SPMIP2: variants seen among roughly 807,000 people sequenced by gnomAD.
The protein encoded by SPMIP2 is sperm microtubule inner protein 2.
chr4:158,951,648 A>G, the SPMIP2 span, among the ~76,000 whole-genome samples: 1 of 152,230 alleles, frequency 6.6e-6, no homozygotes, highest in South Asian at 2.1e-4. Flanking sequence ...GAGGACACAC[A>G]CACGCACACA....
At chr4:158,923,048 C>CA in the SPMIP2 span, among the ~76,000 whole-genome samples, 3 of 152,168 alleles carry the variant, frequency 2.0e-5, no homozygotes, top group Non-Finnish European at 2.9e-5. Flanking sequence ...GTCTCAGCAT[C>CA]CTTGTTAAAG....
the SPMIP2 span, among the ~76,000 whole-genome samples, chr4:158,894,800 C>T: frequency 2.6e-5 from 4 of 152,142 alleles, no homozygotes; most frequent in African/African-American, 9.7e-5. Flanking sequence ...GTTTCATCCA[C>T]CTGACACAAT....
At chr4:158,935,029 T>C in the SPMIP2 span, among the ~76,000 whole-genome samples, 7 of 152,232 alleles carry the variant, frequency 4.6e-5, no homozygotes, top group African/African-American at 1.7e-4. Context: ...AACAGGTCAT[T>C]GCCTATTAGA....
chr4:159,054,053 A>G, the SPMIP2 span, among the ~76,000 whole-genome samples: 1 of 152,182 alleles, frequency 6.6e-6, no homozygotes. Context: ...CACTCACTGC[A>G]GTCTCCTAAT....
chr4:159,059,225 G>A, the SPMIP2 span, among the ~76,000 whole-genome samples: 1 of 99,810 alleles, frequency 1.0e-5, no homozygotes, highest in Non-Finnish European at 2.2e-5. Flanking sequence ...ATACGAGGCT[G>A]GGGGTTGAAG....
chr4:159,015,043 G>T, the SPMIP2 span, among the ~76,000 whole-genome samples: 7 of 152,138 alleles, frequency 4.6e-5, no homozygotes, highest in African/African-American at 1.7e-4. Flanking sequence ...CATTTTTACT[G>T]AATTACAGGA....
At chr4:158,939,075 C>G in the SPMIP2 span, among the ~76,000 whole-genome samples, 1 of 152,208 alleles carries the variant, frequency 6.6e-6, no homozygotes, top group Non-Finnish European at 1.5e-5. Context: ...CTCAGCATCA[C>G]TTGCTAATTT....
the SPMIP2 span, among the ~76,000 whole-genome samples, chr4:159,055,217 T>G: frequency 6.6e-6 from 1 of 152,216 alleles, no homozygotes; most frequent in Non-Finnish European, 1.5e-5. Flanking sequence ...ACCTCTACTG[T>G]CTATGTATCT....
the SPMIP2 span, among the ~76,000 whole-genome samples, chr4:158,934,945 T>C: frequency 1.3e-5 from 2 of 152,230 alleles, no homozygotes; most frequent in Non-Finnish European, 2.9e-5. Flanking sequence ...AACAGTTTTC[T>C]ATACCTATTA....
the SPMIP2 span, among the ~76,000 whole-genome samples, chr4:159,032,088 G>T: frequency 6.6e-6 from 1 of 152,016 alleles, no homozygotes; most frequent in African/African-American, 2.4e-5. Flanking sequence ...TGGGCATGGT[G>T]GCTCACGTCT....
chr4:158,920,798 C>G, the SPMIP2 span, among the ~76,000 whole-genome samples: 1 of 152,170 alleles, frequency 6.6e-6, no homozygotes, highest in African/African-American at 2.4e-5. Context: ...TGCTTTTGCC[C>G]TTTGGCCTGT....
the SPMIP2 span, among the ~76,000 whole-genome samples, chr4:159,056,236 A>C: frequency 6.6e-6 from 1 of 152,224 alleles, no homozygotes; most frequent in East Asian, 1.9e-4. Context: ...ACAGATTTAG[A>C]CATGCAAACA....
chr4:158,908,953 G>A, the SPMIP2 span, among the ~76,000 whole-genome samples: 1 of 152,160 alleles, frequency 6.6e-6, no homozygotes. Flanking sequence ...CTCCCAAAGT[G>A]CTGGGATTAC....
the SPMIP2 span, among the ~76,000 whole-genome samples, chr4:159,071,697 T>C: frequency 9.6e-3 from 1,456 of 152,236 alleles, 23 homozygotes; most frequent in African/African-American, 0.033. Context: ...TTTGTCACCA[T>C]GAGGGAAAGA....
the SPMIP2 span, among the ~76,000 whole-genome samples, chr4:159,060,721 C>T: frequency 6.6e-6 from 1 of 152,148 alleles, no homozygotes; most frequent in African/African-American, 2.4e-5. Context: ...GCCATAAACC[C>T]TATTTGTGAA....
the SPMIP2 span, among the ~76,000 whole-genome samples, chr4:158,941,756 CT>C: frequency 3.5e-4 from 53 of 151,974 alleles, no homozygotes; most frequent in African/African-American, 1.2e-3. Flanking sequence ...AAACATGTGG[CT>C]TTTTAAAGAA....
chr4:158,907,773 C>T, the SPMIP2 span: 1 of 152,096 alleles, frequency 6.6e-6, no homozygotes, highest in Non-Finnish European at 1.5e-5. Flanking sequence ...AAGAAGTCCC[C>T]TCTGAATGTT....
At chr4:158,944,344 T>C in the SPMIP2 span, among the ~76,000 whole-genome samples, 6 of 152,202 alleles carry the variant, frequency 3.9e-5, no homozygotes, top group African/African-American at 7.2e-5. Context: ...CTGAAGAAAG[T>C]AGACATCTTA....
the SPMIP2 span, among the ~76,000 whole-genome samples, chr4:158,908,514 G>T: frequency 6.6e-6 from 1 of 152,198 alleles, no homozygotes; most frequent in Non-Finnish European, 1.5e-5. Flanking sequence ...TTAGCAAGAA[G>T]TGGTCACTTG....
Sources: gnomAD v4.1 joint callset for allele counts (sites outside exome capture counted in the v4.1 genomes callset) on GRCh38, gnomAD v4.1.1 for gene constraint, MANE v1.5 for transcripts, NCBI Gene and HGNC (gene_info 2026-07-23, HGNC 2026-07-21) for gene names.